ADGRV1: variants seen among roughly 807,000 people sequenced by gnomAD.
ADGRV1 encodes the protein adhesion G protein-coupled receptor V1, also known as G-protein coupled receptor 98.
In ADGRV1, 359 loss-of-function variants were observed where a neutral mutation model predicts 596.2. That is an observed-to-expected ratio of 0.60 (90% confidence interval 0.55 to 0.66). The LOEUF (loss-of-function observed/expected upper bound fraction) is 0.66, where lower values mean the gene tolerates loss of function less well. ADGRV1 is among the 30% of genes least tolerant of loss of function. ADGRV1 has a pLI of 0.00. For missense variants in ADGRV1, 7,274 were observed against 7,575.6 expected (o/e 0.96, Z 1.48); for synonymous variants, 2,681 against 2,679.2 (o/e 1.00, Z -0.02).
intron 65 of ADGRV1, 41 bp from the exon 66 acceptor site, chr5:90,783,083 C>T: frequency 6.5e-7 from 1 of 1,531,910 alleles, no homozygotes; most frequent in Non-Finnish European, 9.0e-7. Context: ...AAGTTAGTTG[C>T]TCTGTCTGGC....
chr5:91,033,843 C>T (rs967701615), intron 85 of ADGRV1, among the ~76,000 whole-genome samples: 2 of 152,154 alleles, frequency 1.3e-5, no homozygotes, highest in East Asian at 1.9e-4. Flanking sequence ...GGGATTCTTA[C>T]ACATCAGTAC....
chr5:90,575,500 G>C (rs1757083587), intron 1 of ADGRV1, among the ~76,000 whole-genome samples: 1 of 152,186 alleles, frequency 6.6e-6, no homozygotes. Flanking sequence ...AAAGGAAGTA[G>C]TCAAAGAATT....
In ADGRV1 at chr5:90,845,083, T is replaced by C. The variant is rs553791746; in HGVS notation, c.17020-3554T>C. On this transcript the variant is annotated intron_variant, in intron 78 of 89. Transcript: ENST00000405460. ...TCGAGGTAATTTTGACTGACTTGTC[T>C]GTGAACTGAGTCAGTCCAGGTGGTT... 5.6e-4 allele frequency among the ~76,000 whole-genome samples: 86 copies of C among 152,358 alleles called. 1 individual carries two copies. The highest frequency in any genetic ancestry group is 4.2e-3 in the Admixed American group (65 of 15,306).
rs573133763 is a variant in ADGRV1, at chr5:90,578,987, TTC to T, written c.22+20076_22+20077del. Among the ~76,000 whole-genome samples, 1,396 of 152,302 alleles carry T rather than the reference TTC, an allele frequency of 9.2e-3. 12 individuals are homozygous for T. The highest frequency in any genetic ancestry group is 0.032 in the African/African-American group (1,331 of 41,558). ...ATTTTTTATTGAGTCTATTTGATTC[TTC>T]TCTCTTTTCTTCTTTATTAGTCTTG... On this transcript the variant is annotated intron_variant, in intron 1 of 89. Transcript: ENST00000405460.
At position 90,646,031 on chromosome 5, in the gene ADGRV1, G is replaced by A. The variant is rs1767705495; in HGVS notation, c.2962G>A (p.Gly988Arg). 6.2e-7 allele frequency: 1 copy of A among 1,605,706 alleles called. No homozygotes were observed. The highest frequency in any genetic ancestry group is 1.3e-5 in the African/African-American group (1 of 74,712). Residue 988 changes from glycine to arginine, a missense_variant, in exon 16 of 90, where the codon GGA (glycine) becomes AGA (arginine). Around this residue, in one of 5 missense-constraint regions of ADGRV1, gnomAD observed 1,715 missense variants for 1,708.8 expected, o/e 1.00. Coordinates refer to ENST00000405460, the MANE Select transcript of ADGRV1 (RefSeq NM_032119.4). ...GAATGGCACTGGAGGAGCTAAAGTG[G>A]GAAATAGAACAACTGCAACTCTGAG... ...LLNGTGGAKV[G>R]NRTTATLRIR... is the part of the protein sequence containing the mutation.
At chr5:90,833,493 C>T (rs982410205) in intron 77 of ADGRV1, among the ~76,000 whole-genome samples, 6 of 152,104 alleles carry the variant, frequency 3.9e-5, no homozygotes, top group African/African-American at 1.2e-4. Context: ...CCATGATACT[C>T]AGGCTGGTCT....
chr5:91,086,729 C>G (rs1789909919), intron 86 of ADGRV1, among the ~76,000 whole-genome samples: 1 of 152,118 alleles, frequency 6.6e-6, no homozygotes, highest in Non-Finnish European at 1.5e-5. Flanking sequence ...TATGCCATTC[C>G]CCTACCTCAG....
rs766737492 is a variant in ADGRV1, at chr5:90,627,588, C to T, written c.1050C>T (p.Thr350=). ...SHLKFQIVDD[T]IPEIAESFHI... is the part of the protein sequence containing the mutation. Reference sequence around the variant, plus strand: ...TGAAATTTCAAATAGTTGATGACACCATACCGGAGATTGCTGAATCGTTTC... The same window carrying T: ...TGAAATTTCAAATAGTTGATGACACTATACCGGAGATTGCTGAATCGTTTC... Residue 350 remains threonine (T), a synonymous_variant, in exon 7 of 90, where the codon ACC becomes ACT. Transcript: ENST00000405460. The T allele has an allele frequency of 1.9e-6, 3 of 1,613,632 alleles. No homozygotes were observed. Among genetic ancestry groups the T allele is most frequent in the African/African-American group, 2.7e-5 (2 of 74,878 alleles).
At position 90,759,587 on chromosome 5, in the gene ADGRV1, C is replaced by T. The variant is rs1157379694; in HGVS notation, c.12119C>T (p.Thr4040Ile). 6.2e-7 allele frequency: 1 copy of T among 1,611,172 alleles called. No individual in the cohort carries two copies. The highest frequency in any genetic ancestry group is 8.5e-7 in the Non-Finnish European group (1 of 1,177,762). Residue 4040 changes from threonine (T) to isoleucine (I), a missense_variant and splice_region_variant, in exon 58 of 90, where the codon ACT (threonine) becomes ATT (isoleucine). Thr to Ile is a moderately conservative substitution (Grantham distance 89). Around this residue, in one of 5 missense-constraint regions of ADGRV1, gnomAD observed 3,643 missense variants for 3,809.2 expected, o/e 0.96. Coordinates refer to ENST00000405460, the MANE Select transcript of ADGRV1 (RefSeq NM_032119.4). ...PFGVFGFEEK[T>I]VMIDESLSSD... is the part of the protein sequence containing the mutation. ...GGAGTATTTGGATTTGAAGAAAAGACTGTAAGTTAAACATATCAGGGGAAA... is the reference window on the plus strand; with the variant it reads ...GGAGTATTTGGATTTGAAGAAAAGATTGTAAGTTAAACATATCAGGGGAAA...
intron 1 of ADGRV1, among the ~76,000 whole-genome samples, chr5:90,597,053 T>C (rs1760780293): frequency 6.6e-6 from 1 of 152,140 alleles, no homozygotes; most frequent in South Asian, 2.1e-4. Flanking sequence ...CAGAGGGTAG[T>C]TGGGAGGTTA....
At chr5:90,745,512 T>G in intron 51 of ADGRV1, 79 bp from the exon 52 acceptor site, 1 of 966,872 alleles carries the variant, frequency 1.0e-6, no homozygotes, top group South Asian at 1.7e-5. Context: ...TAATATCAAT[T>G]AATGTAATGA....
Position 90,693,928 on chromosome 5 carries a change from C to T in ADGRV1, c.7172C>T (p.Thr2391Ile). The T allele has an allele frequency of 1.9e-6, 3 of 1,593,240 alleles. No individual in the cohort carries two copies. Among genetic ancestry groups the T allele is most frequent in the Non-Finnish European group, 2.6e-6 (3 of 1,167,130 alleles). Residue 2391 changes from threonine (T) to isoleucine (I), a missense_variant, in exon 33 of 90, where the codon ACT becomes ATT. By Grantham distance (89) the Thr-to-Ile change is moderately conservative. Around this residue, in one of 5 missense-constraint regions of ADGRV1, gnomAD observed 3,643 missense variants for 3,809.2 expected, o/e 0.96. Coordinates refer to ENST00000405460, the MANE Select transcript of ADGRV1 (RefSeq NM_032119.4). ...GGTCGGCTGTTGTTGTTCTACAGTA[C>T]TTCCGACATTGATGTAGTGGCTCTG... ...HFGRLLLFYSTSDIDVVALAM... is the reference protein window; with the variant it reads ...HFGRLLLFYSISDIDVVALAM...
At chr5:91,085,229 T>TA (rs764474505) in intron 86 of ADGRV1, among the ~76,000 whole-genome samples, 8 of 152,084 alleles carry the variant, frequency 5.3e-5, no homozygotes, top group Non-Finnish European at 1.2e-4. Context: ...TAAGTACAGT[T>TA]AAAAAATATT....
intron 83 of ADGRV1, among the ~76,000 whole-genome samples, chr5:90,946,521 G>A (rs1466343775): frequency 2.0e-5 from 3 of 151,980 alleles, no homozygotes; most frequent in African/African-American, 7.3e-5. Context: ...GTAGGTAAAC[G>A]TGTGCTATGG....
At position 90,985,447 on chromosome 5, in the gene ADGRV1, T is replaced by A; in HGVS notation, c.18077T>A (p.Ile6026Asn). 6.2e-7 allele frequency: 1 copy of A among 1,613,852 alleles called. No homozygotes were observed. Among genetic ancestry groups the A allele is most frequent in the Non-Finnish European group, 8.5e-7 (1 of 1,179,768 alleles). Reference protein sequence around the residue: ...LSWGLPAFVVILLIVILKGIY... With the variant: ...LSWGLPAFVVNLLIVILKGIY... Reference sequence around the variant, plus strand: ...TGGGGACTACCAGCTTTTGTGGTGATTCTCCTCATAGTTATTTTGAAAGGA... The same window carrying A: ...TGGGGACTACCAGCTTTTGTGGTGAATCTCCTCATAGTTATTTTGAAAGGA... The change falls in exon 85 of 90, where the codon ATT becomes AAT. Residue 6026 changes from isoleucine (I) to asparagine (N), a missense_variant. This residue lies in a region of ADGRV1 where 1,874 missense variants were observed against 1,970.2 expected (regional missense o/e 0.95). Coordinates refer to ENST00000405460, the MANE Select transcript of ADGRV1 (RefSeq NM_032119.4).
chr5:90,593,611 A>T (rs1345425157), intron 1 of ADGRV1, among the ~76,000 whole-genome samples: 1 of 152,186 alleles, frequency 6.6e-6, no homozygotes, highest in Non-Finnish European at 1.5e-5. Context: ...ATAATTTTTT[A>T]AAAAGAGTAC....
chr5:90,659,237 A>G (rs1160101676), intron 21 of ADGRV1, among the ~76,000 whole-genome samples: 1 of 152,208 alleles, frequency 6.6e-6, no homozygotes, highest in Non-Finnish European at 1.5e-5. Flanking sequence ...CTTGAAAAGA[A>G]AGATGTTTAC....
chr5:90,916,487 G>C (rs1773365689), intron 83 of ADGRV1, among the ~76,000 whole-genome samples: 1 of 152,082 alleles, frequency 6.6e-6, no homozygotes, highest in African/African-American at 2.4e-5. Context: ...AGCTCTGCTG[G>C]TGATTTCATG....
chr5:90,796,175 C>A (rs184299109), intron 70 of ADGRV1, among the ~76,000 whole-genome samples: 2 of 151,908 alleles, frequency 1.3e-5, no homozygotes, highest in African/African-American at 2.4e-5. Context: ...ATAATAAACT[C>A]CTCCGAGCTA....
Sources: allele counts gnomAD v4.1 joint callset (sites outside exome capture counted in the v4.1 genomes callset), GRCh38; gene constraint gnomAD v4.1.1; regional missense constraint gnomAD v4.1.1; transcripts MANE v1.5; gene names NCBI Gene and HGNC (gene_info 2026-07-23, HGNC 2026-07-21).